SPACA7: variants seen among roughly 807,000 people sequenced by gnomAD.
The protein encoded by SPACA7 is sperm acrosome-associated protein 7.
Under a neutral mutation model 26.3 loss-of-function variants are expected in SPACA7, and 19 were observed. The observed-to-expected ratio is 0.72, with a 90% confidence interval of 0.50 to 1.06. The LOEUF (loss-of-function observed/expected upper bound fraction) is 1.06, where lower values mean the gene tolerates loss of function less well. Among genes scored for constraint, SPACA7 ranks in the 50% least tolerant of loss-of-function variants. The probability of loss-of-function intolerance (pLI) is 0.00; values close to 1 mark genes in which losing one functional copy is unlikely to be tolerated. For missense variants in SPACA7, 211 were observed against 229.9 expected (o/e 0.92, Z 0.53); for synonymous variants, 84 against 84.5 (o/e 0.99, Z 0.04).
chr13:112,382,204 G>A, intron 1 of SPACA7: 1 of 470,424 alleles, frequency 2.1e-6, no homozygotes, highest in Non-Finnish European at 3.7e-6. Flanking sequence ...TGCAAACGTG[G>A]TTTCAATCTC....
intron 5 of SPACA7, among the ~76,000 whole-genome samples, chr13:112,415,229 A>T (rs1268430612): frequency 6.6e-6 from 1 of 152,132 alleles, no homozygotes; most frequent in Non-Finnish European, 1.5e-5. Flanking sequence ...TGATACCGGC[A>T]CTCTCATGGC....
At chr13:112,410,791 C>T (rs1886298596) in intron 5 of SPACA7, among the ~76,000 whole-genome samples, 1 of 152,136 alleles carries the variant, frequency 6.6e-6, no homozygotes, top group South Asian at 2.1e-4. Context: ...CCAGCAATTA[C>T]ACTTCTGGGT....
intron 5 of SPACA7, among the ~76,000 whole-genome samples, chr13:112,415,339 C>G (rs1886624724): frequency 6.6e-6 from 1 of 152,240 alleles, no homozygotes; most frequent in Non-Finnish European, 1.5e-5. Context: ...CTGCTACTGC[C>G]TAACTGCCAT....
chr13:112,378,431 C>T (rs1156557388), intron 1 of SPACA7, among the ~76,000 whole-genome samples: 1 of 152,184 alleles, frequency 6.6e-6, no homozygotes, highest in African/African-American at 2.4e-5. Context: ...AAATATATCA[C>T]ATCTTACAAG....
intron 5 of SPACA7, among the ~76,000 whole-genome samples, chr13:112,405,872 C>G (rs933899780): frequency 2.6e-5 from 4 of 152,068 alleles, no homozygotes; most frequent in Non-Finnish European, 5.9e-5. Flanking sequence ...ATTATATCTT[C>G]GTTGTGAATT....
chr13:112,407,887 G>A (rs1398968574), intron 5 of SPACA7, among the ~76,000 whole-genome samples: 1 of 152,146 alleles, frequency 6.6e-6, no homozygotes, highest in Non-Finnish European at 1.5e-5. Context: ...GCATCATCCT[G>A]ATACCAAAGG....
intron 1 of SPACA7, chr13:112,378,640 A>G (rs1594229407): frequency 2.1e-6 from 1 of 470,112 alleles, no homozygotes; most frequent in Middle Eastern, 3.3e-4. Flanking sequence ...CTCTCTTCCG[A>G]AGGTCTCGAG....
intron 1 of SPACA7, among the ~76,000 whole-genome samples, chr13:112,390,726 A>G (rs1755734): frequency 0.65 from 99,055 of 152,124 alleles, 32,859 homozygotes; most frequent in African/African-American, 0.79. Context: ...ACGAAATCTC[A>G]GGAAAACTCA....
intron 5 of SPACA7, among the ~76,000 whole-genome samples, chr13:112,428,368 T>C (rs1034737730): frequency 6.6e-6 from 1 of 152,108 alleles, no homozygotes; most frequent in Non-Finnish European, 1.5e-5. Flanking sequence ...TTACTTGAGG[T>C]CAGGAGTTTG....
chr13:112,391,628 G>A (rs889486962), intron 1 of SPACA7, among the ~76,000 whole-genome samples: 2 of 152,194 alleles, frequency 1.3e-5, no homozygotes, highest in African/African-American at 4.8e-5. Context: ...TGAAGGATAT[G>A]GCAAAGCCAC....
At chr13:112,425,197 CAGGG>C (rs1876414426) in intron 5 of SPACA7, among the ~76,000 whole-genome samples, 1 of 152,058 alleles carries the variant, frequency 6.6e-6, no homozygotes, top group Non-Finnish European at 1.5e-5. Context: ...GGCTCCCCTG[CAGGG>C]TGACATAGGC....
At position 112,383,179 on chromosome 13, in the gene SPACA7, AAGAAAGAAAGAAAGAAAAG is replaced by A. The variant is rs1188894015; in HGVS notation, c.94+6702_94+6720del. ...AAAGAAAGAAAGAAAGAAAGAAAGAAAGAAAGAAAGAAAGAAAAGAAAGAAAGAAAGGAAAGAAGGAAGA... is the reference window on the plus strand; with the variant it reads ...AAAGAAAGAAAGAAAGAAAGAAAGAAAAAGAAAGAAAGGAAAGAAGGAAGA... On this transcript the variant is annotated intron_variant, in intron 1 of 6. Coordinates refer to ENST00000283550, the MANE Select transcript of SPACA7 (RefSeq NM_145248.5). Among the ~76,000 whole-genome samples, 391 of 141,842 alleles carry A rather than the reference AAGAAAGAAAGAAAGAAAAG, an allele frequency of 2.8e-3. 2 individuals carry two copies. Among genetic ancestry groups the A allele is most frequent in the African/African-American group, 0.01 (370 of 36,118 alleles). The allele number at this position is 141,842 out of a possible 152,430, so 93.1% of individuals were successfully genotyped here.
chr13:112,413,283 C>T (rs558797846), intron 5 of SPACA7, among the ~76,000 whole-genome samples: 3 of 152,060 alleles, frequency 2.0e-5, no homozygotes, highest in East Asian at 3.9e-4. Flanking sequence ...TGAATTCTCT[C>T]GGCTTTTGTT....
At chr13:112,382,423 G>A (rs1229813876) in intron 1 of SPACA7, 1 of 1,549,174 alleles carries the variant, frequency 6.5e-7, no homozygotes, top group African/African-American at 1.4e-5. Context: ...TTCAGGTGCA[G>A]GCTGTGAAGA....
At chr13:112,389,767 A>G (rs1036216033) in intron 1 of SPACA7, among the ~76,000 whole-genome samples, 3 of 152,230 alleles carry the variant, frequency 2.0e-5, no homozygotes, top group Non-Finnish European at 4.4e-5. Flanking sequence ...ACAGTAACAC[A>G]AAACTCACTG....
chr13:112,381,961 A>G (rs896736208), intron 1 of SPACA7, among the ~76,000 whole-genome samples: 2 of 152,198 alleles, frequency 1.3e-5, no homozygotes, highest in African/African-American at 4.8e-5. Context: ...ACTCTAAACC[A>G]TATAATTTCT....
chr13:112,404,975 CTTCTT>C, intron 5 of SPACA7, among the ~76,000 whole-genome samples: 1 of 100,750 alleles, frequency 9.9e-6, no homozygotes, highest in South Asian at 3.4e-4. Flanking sequence ...ATTGTATTCT[CTTCTT>C]TTTTTTTTTT....
At chr13:112,407,080 A>C (rs1886034258) in intron 5 of SPACA7, among the ~76,000 whole-genome samples, 1 of 152,222 alleles carries the variant, frequency 6.6e-6, no homozygotes, top group Admixed American at 6.5e-5. Context: ...AAACCACTCA[A>C]CTACATGGAA....
intron 2 of SPACA7, among the ~76,000 whole-genome samples, chr13:112,394,479 C>T (rs1054939763): frequency 6.6e-6 from 1 of 151,666 alleles, no homozygotes. Context: ...TTTCCAGGAG[C>T]TGTCGCTGTC....
Sources: gnomAD v4.1 joint callset for allele counts (sites outside exome capture counted in the v4.1 genomes callset) on GRCh38, gnomAD v4.1.1 for gene constraint, MANE v1.5 for transcripts, NCBI Gene and HGNC (gene_info 2026-07-23, HGNC 2026-07-21) for gene names.